Variants in CLRN1 observed in about 807,000 individuals in gnomAD.
The protein encoded by CLRN1 is clarin 1, also known as clarin-1.
Under a neutral mutation model 18.7 loss-of-function variants are expected in CLRN1, and 15 were observed. The ratio of observed to expected loss-of-function variants is 0.80; its 90% CI spans 0.54 to 1.23. The LOEUF (loss-of-function observed/expected upper bound fraction) is 1.23, where lower values mean the gene tolerates loss of function less well. Among genes scored for constraint, CLRN1 ranks in the 50% most tolerant of loss-of-function variants. The pLI is 0.00. For missense variants in CLRN1, 311 were observed against 277.5 expected, an observed-to-expected ratio of 1.12 and a Z score of -0.86; for synonymous variants, 104 against 102.9, an observed-to-expected ratio of 1.01 and a Z score of -0.07.
At chr3:150,946,109 AAAATG>A (rs1714152301) in intron 1 of CLRN1, among the ~76,000 whole-genome samples, 2 of 152,346 alleles carry the variant, frequency 1.3e-5, no homozygotes, top group Admixed American at 1.3e-4. Context: ...ATTATTCATC[AAAATG>A]TGATGTGAGG....
At chr3:150,928,909 C>T (rs1269944035) in intron 2 of CLRN1, among the ~76,000 whole-genome samples, 2 of 152,092 alleles carry the variant, frequency 1.3e-5, no homozygotes, top group Non-Finnish European at 2.9e-5. Context: ...GTATTAGGGG[C>T]CTGTCCTTTC....
Position 150,927,377 on chromosome 3 carries a change from G to T in CLRN1, c.*559C>A. 2.3e-6 allele frequency: 1 copy of T among 439,100 alleles called. No homozygotes were observed. The highest frequency in any genetic ancestry group is 4.5e-6 in the Non-Finnish European group (1 of 219,890). 27.2% of individuals were successfully genotyped at this position (439,100 alleles called of 1,614,324 possible). A position where few individuals can be genotyped will look rare whatever the true frequency, so the allele number is the denominator to read the frequency against. ...TGAACTCAAATGATCTTCCCACCTT[G>T]GCCTCCTGAAGTGCTGGAATTACAG... On this transcript the variant is annotated 3_prime_UTR_variant, in exon 3 of 3. Transcript: ENST00000327047.
rs138333556 is a variant in CLRN1 at position 150,934,686 on chromosome 3, T to A, written c.434-6485A>T. ...CCCATCAACTGGGAAACACCTAGAATGGAATATATAAAAGGCCCCCACTCA... is the reference window on the plus strand; with the variant it reads ...CCCATCAACTGGGAAACACCTAGAAAGGAATATATAAAAGGCCCCCACTCA... On this transcript the variant is annotated intron_variant, in intron 2 of 2. Coordinates refer to ENST00000327047, the MANE Select transcript of CLRN1 (RefSeq NM_174878.3). Among the ~76,000 whole-genome samples the A allele has an allele frequency of 3.3e-3, 500 of 152,288 alleles. 2 individuals carry two copies. The highest frequency in any genetic ancestry group is 0.011 in the African/African-American group (474 of 41,552).
intron 1 of CLRN1, among the ~76,000 whole-genome samples, chr3:150,968,837 A>G (rs1349960353): frequency 1.3e-5 from 2 of 152,154 alleles, no homozygotes; most frequent in Non-Finnish European, 2.9e-5. Flanking sequence ...ATGTGACCCT[A>G]TGCAAATCAG....
At chr3:150,959,236 T>A (rs1209053064) in intron 1 of CLRN1, among the ~76,000 whole-genome samples, 1 of 149,624 alleles carries the variant, frequency 6.7e-6, no homozygotes, top group Non-Finnish European at 1.5e-5. Flanking sequence ...TCATGGGCAC[T>A]CAATAATCTT....
At chr3:150,962,945 C>A (rs1300156492) in intron 1 of CLRN1, among the ~76,000 whole-genome samples, 1 of 152,150 alleles carries the variant, frequency 6.6e-6, no homozygotes, top group Non-Finnish European at 1.5e-5. Context: ...GAATTCAAGT[C>A]ATAAGGCCAA....
At chr3:150,954,695 C>T (rs1029886101) in intron 1 of CLRN1, among the ~76,000 whole-genome samples, 5 of 152,192 alleles carry the variant, frequency 3.3e-5, no homozygotes, top group African/African-American at 1.2e-4. Flanking sequence ...TGCAAGGTCA[C>T]AAATATTTTC....
At chr3:150,969,468 A>G (rs927695118) in intron 1 of CLRN1, among the ~76,000 whole-genome samples, 1 of 150,302 alleles carries the variant, frequency 6.7e-6, no homozygotes, top group African/African-American at 2.4e-5. Flanking sequence ...CTGGGACTAC[A>G]GGCGCCCCCG....
intron 2 of CLRN1, among the ~76,000 whole-genome samples, chr3:150,931,549 T>G (rs1173478494): frequency 1.3e-5 from 2 of 152,190 alleles, no homozygotes; most frequent in Non-Finnish European, 2.9e-5. Flanking sequence ...TCATTTCTCC[T>G]GGGTCATTCC....
At chr3:150,943,183 C>T (rs1414094433) in intron 1 of CLRN1, among the ~76,000 whole-genome samples, 3 of 152,184 alleles carry the variant, frequency 2.0e-5, no homozygotes, top group Non-Finnish European at 4.4e-5. Context: ...AAATTTTAGG[C>T]AGACGGGGCA....
chr3:150,965,544 G>A (rs1335494374), intron 1 of CLRN1, among the ~76,000 whole-genome samples: 1 of 151,928 alleles, frequency 6.6e-6, no homozygotes, highest in Non-Finnish European at 1.5e-5. Flanking sequence ...TTTCTTCTGA[G>A]AAGTCTGAAA....
chr3:150,939,663 A>G (rs193089006), intron 2 of CLRN1, among the ~76,000 whole-genome samples: 2 of 152,248 alleles, frequency 1.3e-5, no homozygotes, highest in African/African-American at 4.8e-5. Flanking sequence ...GATGATGCAG[A>G]CGCTGCTCAT....
chr3:150,951,218 T>C (rs4680083), intron 1 of CLRN1, among the ~76,000 whole-genome samples: 67,158 of 151,826 alleles, frequency 0.44, 16,751 homozygotes, highest in Non-Finnish European at 0.57. Flanking sequence ...AGTTTACCTA[T>C]GTAACAGACT....
intron 2 of CLRN1, among the ~76,000 whole-genome samples, chr3:150,937,713 A>G (rs1316821536): frequency 6.6e-6 from 1 of 152,188 alleles, no homozygotes; most frequent in Non-Finnish European, 1.5e-5. Flanking sequence ...TTACATGGAG[A>G]ATGCTGAGGA....
intron 1 of CLRN1, among the ~76,000 whole-genome samples, chr3:150,967,999 A>C (rs1248493550): frequency 6.6e-6 from 1 of 152,210 alleles, no homozygotes; most frequent in Non-Finnish European, 1.5e-5. Flanking sequence ...ATAAATTTTC[A>C]ATCATGAGGT....
intron 1 of CLRN1, among the ~76,000 whole-genome samples, chr3:150,959,007 T>C (rs1714893332): frequency 6.6e-6 from 1 of 152,230 alleles, no homozygotes; most frequent in Non-Finnish European, 1.5e-5. Flanking sequence ...CCAAAAAATA[T>C]GAACTGTGAG....
At chr3:150,940,924 G>A (rs1373689868) in intron 2 of CLRN1, among the ~76,000 whole-genome samples, 2 of 152,206 alleles carry the variant, frequency 1.3e-5, no homozygotes, top group East Asian at 3.9e-4. Context: ...GTGTCTACAG[G>A]CTTGAATATG....
Position 150,941,579 on chromosome 3 carries a change from T to C in CLRN1, c.433+3A>G, listed in dbSNP as rs1237832623. On this transcript the variant is annotated splice_donor_region_variant and intron_variant, in intron 2 of 2. Transcript: ENST00000327047. ...GTCTTCAGAGGTAGAATTTTGTACT[T>C]ACCTGAAATGAAGCTCAAAAGGTAC... 2.5e-6 allele frequency: 4 copies of C among 1,613,864 alleles called. No individual in the cohort carries two copies. Among genetic ancestry groups the C allele is most frequent in the South Asian group, 1.1e-5 (1 of 91,076 alleles).
At chr3:150,969,411 C>T (rs1358075451) in intron 1 of CLRN1, among the ~76,000 whole-genome samples, 1 of 144,704 alleles carries the variant, frequency 6.9e-6, no homozygotes, top group African/African-American at 2.6e-5. Flanking sequence ...ACTGCAAGCT[C>T]CACCTCCCGG....
Sources: allele counts gnomAD v4.1 joint callset (sites outside exome capture counted in the v4.1 genomes callset), GRCh38; gene constraint gnomAD v4.1.1; transcripts MANE v1.5; gene names NCBI Gene and HGNC (gene_info 2026-07-23, HGNC 2026-07-21).